MAGI1: variants seen among roughly 807,000 people sequenced by gnomAD.
MAGI1 encodes membrane associated guanylate kinase, WW and PDZ domain containing 1.
A neutral mutation model predicts 139.9 loss-of-function variants in MAGI1; 58 were observed. The ratio of observed to expected loss-of-function variants is 0.41; its 90% CI spans 0.34 to 0.52. The LOEUF is 0.52. MAGI1 is among the 20% of genes least tolerant of loss of function. The probability of loss-of-function intolerance (pLI) is 0.12; values close to 1 mark genes in which losing one functional copy is unlikely to be tolerated. For missense variants in MAGI1, 1,874 were observed against 1,901.6 expected, an observed-to-expected ratio of 0.99 and a Z score of 0.27; for synonymous variants, 812 against 737.9, an observed-to-expected ratio of 1.10 and a Z score of -1.63.
At chr3:65,686,394 C>T (rs2088031990) in intron 1 of MAGI1, among the ~76,000 whole-genome samples, 1 of 152,266 alleles carries the variant, frequency 6.6e-6, no homozygotes, top group South Asian at 2.1e-4. Flanking sequence ...TGGATTCAAG[C>T]GATTCTCCTG....
At chr3:65,540,282 C>T (rs2079150396) in intron 2 of MAGI1, among the ~76,000 whole-genome samples, 1 of 152,178 alleles carries the variant, frequency 6.6e-6, no homozygotes, top group African/African-American at 2.4e-5. Context: ...AAAATTACAT[C>T]AAACCCCTTT....
At chr3:65,477,056 T>C (rs1462902043) in intron 4 of MAGI1, among the ~76,000 whole-genome samples, 1 of 152,170 alleles carries the variant, frequency 6.6e-6, no homozygotes, top group Non-Finnish European at 1.5e-5. Flanking sequence ...TCATTTTACA[T>C]ATGGATGAGT....
At chr3:65,486,579 G>A (rs1951652837) in intron 3 of MAGI1, among the ~76,000 whole-genome samples, 1 of 152,154 alleles carries the variant, frequency 6.6e-6, no homozygotes, top group South Asian at 2.1e-4. Flanking sequence ...TAGGAAGTTG[G>A]GCCAAGTTGG....
At chr3:66,012,045 C>T (rs1191576754) in intron 1 of MAGI1, among the ~76,000 whole-genome samples, 1 of 152,020 alleles carries the variant, frequency 6.6e-6, no homozygotes, top group Non-Finnish European at 1.5e-5. Context: ...ATCACACAAC[C>T]TTGTCTATAT....
chr3:65,734,209 C>T (rs1165986048), intron 1 of MAGI1, among the ~76,000 whole-genome samples: 3 of 152,036 alleles, frequency 2.0e-5, no homozygotes, highest in Non-Finnish European at 4.4e-5. Flanking sequence ...AATCTCAGCA[C>T]CTTGGGAGGC....
chr3:65,889,759 C>T (rs995292067), intron 1 of MAGI1, among the ~76,000 whole-genome samples: 4 of 152,096 alleles, frequency 2.6e-5, no homozygotes, highest in African/African-American at 9.7e-5. Context: ...AAAATTTACA[C>T]TCATAGTATG....
At chr3:66,005,187 C>T (rs983424475) in intron 1 of MAGI1, among the ~76,000 whole-genome samples, 2 of 152,124 alleles carry the variant, frequency 1.3e-5, no homozygotes, top group African/African-American at 4.8e-5. Flanking sequence ...TTAGGTTTAA[C>T]TAAGAATCAA....
intron 10 of MAGI1, among the ~76,000 whole-genome samples, chr3:65,436,170 T>C (rs927002084): frequency 6.6e-6 from 1 of 152,146 alleles, no homozygotes; most frequent in African/African-American, 2.4e-5. Context: ...AGAAACAATT[T>C]CTTTCTTATG....
chr3:65,559,336 A>T (rs2080230901), intron 2 of MAGI1, among the ~76,000 whole-genome samples: 1 of 152,186 alleles, frequency 6.6e-6, no homozygotes, highest in Admixed American at 6.5e-5. Context: ...AAGAAGAAGG[A>T]GGTTTTGACC....
Position 65,437,223 on chromosome 3 carries a change from A to G in MAGI1, c.1295T>C (p.Leu432Pro), listed in dbSNP as rs778434612. The G allele has an allele frequency of 3.1e-6, 5 of 1,611,156 alleles. No individual in the cohort carries two copies. Among genetic ancestry groups the G allele is most frequent in the Admixed American group, 1.7e-5 (1 of 59,916 alleles). The change falls in exon 10 of 23, where the codon CTT becomes CCT. Residue 432 changes from leucine to proline, a missense_variant. By Grantham distance (98) the Leu-to-Pro change is moderately conservative. Coordinates refer to ENST00000402939, the MANE Select transcript of MAGI1 (RefSeq NM_001033057.2). ...GTGGTTTGGAATAACAGGAGGCACA[A>G]GGGCTGAGTGATCTTCTGTCCATTC... The part of the protein sequence containing the change: ...TEEWTEDHSA[L>P]VPPVIPNHPP...
At chr3:65,745,474 C>G (rs1205675401) in intron 1 of MAGI1, among the ~76,000 whole-genome samples, 2 of 152,142 alleles carry the variant, frequency 1.3e-5, no homozygotes, top group Admixed American at 1.3e-4. Flanking sequence ...ATTGGAAGCC[C>G]TAACTTCGCA....
At chr3:65,619,988 C>CA (rs1402555463) in intron 2 of MAGI1, 2 of 985,316 alleles carry the variant, frequency 2.0e-6, no homozygotes. Flanking sequence ...TTTTAAAAGA[C>CA]AGAGTTCGTT....
At chr3:65,773,170 C>A (rs115053547) in intron 1 of MAGI1, among the ~76,000 whole-genome samples, 258 of 152,256 alleles carry the variant, frequency 1.7e-3, no homozygotes, top group African/African-American at 6.1e-3. Context: ...TTCTCACCAA[C>A]CCTGAATCAC....
At chr3:65,762,992 T>C (rs541299912) in intron 1 of MAGI1, among the ~76,000 whole-genome samples, 2 of 152,280 alleles carry the variant, frequency 1.3e-5, no homozygotes, top group East Asian at 3.9e-4. Context: ...TTTCCCAAAG[T>C]AGGGATGGTA....
chr3:65,833,305 GA>G (rs1449147454), intron 1 of MAGI1, among the ~76,000 whole-genome samples: 3 of 152,086 alleles, frequency 2.0e-5, no homozygotes, highest in African/African-American at 4.8e-5. Flanking sequence ...TTTTAGTAGA[GA>G]GGGGGTTTCA....
chr3:65,553,880 A>G (rs2079968383), intron 2 of MAGI1, among the ~76,000 whole-genome samples: 1 of 152,212 alleles, frequency 6.6e-6, no homozygotes. Flanking sequence ...ATTACAAAAT[A>G]CAAATGAAGA....
intron 22 of MAGI1, chr3:65,359,892 G>A (rs1940627972): frequency 1.5e-5 from 15 of 985,224 alleles, no homozygotes; most frequent in Non-Finnish European, 1.7e-5. Flanking sequence ...CAGAAGCATA[G>A]GGAAGACAGA....
chr3:65,382,678 G>A (rs1243328781), intron 15 of MAGI1, among the ~76,000 whole-genome samples: 3 of 152,138 alleles, frequency 2.0e-5, no homozygotes, highest in Non-Finnish European at 4.4e-5. Context: ...CCTTTACGTG[G>A]CATTTATAGT....
At chr3:65,405,168 G>A (rs1945235566) in intron 12 of MAGI1, among the ~76,000 whole-genome samples, 1 of 152,182 alleles carries the variant, frequency 6.6e-6, no homozygotes, top group African/African-American at 2.4e-5. Context: ...ATCTGCAGGA[G>A]CGAGAAAAGC....
Sources: allele counts gnomAD v4.1 joint callset (sites outside exome capture counted in the v4.1 genomes callset), GRCh38; gene constraint gnomAD v4.1.1; transcripts MANE v1.5; gene names NCBI Gene and HGNC (gene_info 2026-07-23, HGNC 2026-07-21).